The following PCDH15 variants were observed in gnomAD, a reference collection of about 807,000 sequenced individuals.
PCDH15 encodes protocadherin related 15.
A neutral mutation model predicts 178.5 loss-of-function variants in PCDH15; 129 were observed. The observed-to-expected ratio is 0.72, with a 90% CI of 0.63 to 0.84. The LOEUF is 0.84. Ranked by LOEUF, PCDH15 falls within the 40% of genes least tolerant of loss-of-function variation. The probability of loss-of-function intolerance (pLI) is 0.00; values close to 1 mark genes in which losing one functional copy is unlikely to be tolerated. For missense variants in PCDH15, 2,230 were observed against 2,099.9 expected (o/e 1.06, Z -1.21); for synonymous variants, 800 against 732.0 (o/e 1.09, Z -1.50).
At chr10:54,960,047 G>A (rs938762454) in intron 2 of PCDH15, among the ~76,000 whole-genome samples, 17 of 152,048 alleles carry the variant, frequency 1.1e-4, no homozygotes, top group Admixed American at 3.9e-4. Context: ...AATTTGAAGC[G>A]TCCAGTCTTA....
rs555638118 is a variant in PCDH15, at chr10:53,975,106, C to T, written c.2869-13214G>A. On this transcript the variant is annotated intron_variant, in intron 21 of 37. Transcript: ENST00000644397. ...GCTGCATCAATATTGCTGCAAAGGG[C>T]GTGCTTTCATTCTTTTTTATGTTTG... is the stretch of plus-strand genomic sequence containing the variant. Among the ~76,000 whole-genome samples, 45 of 152,204 alleles carry T rather than the reference C, an allele frequency of 3.0e-4. No homozygotes were observed. The South Asian group carries it at 4.1e-3, about 14-fold the overall frequency.
intron 1 of PCDH15, among the ~76,000 whole-genome samples, chr10:54,790,410 A>G (rs764359583): frequency 4.0e-5 from 6 of 151,764 alleles, no homozygotes; most frequent in Admixed American, 6.6e-5. Context: ...GAACACAACA[A>G]GAGTATTTAT....
intron 3 of PCDH15, among the ~76,000 whole-genome samples, chr10:54,411,125 C>G (rs1456161967): frequency 6.6e-6 from 1 of 152,116 alleles, no homozygotes; most frequent in Admixed American, 6.6e-5. Flanking sequence ...GCTACCATAA[C>G]AGGTATGATC....
At chr10:54,463,057 GATCA>G (rs1425808757) in intron 3 of PCDH15, among the ~76,000 whole-genome samples, 9 of 152,090 alleles carry the variant, frequency 5.9e-5, no homozygotes, top group African/African-American at 1.7e-4. Flanking sequence ...CTCGTTATAA[GATCA>G]ATCAGTCTGT....
intron 2 of PCDH15, among the ~76,000 whole-genome samples, chr10:55,442,459 A>ATATATATAT (rs1554869572): frequency 5.3e-4 from 38 of 71,444 alleles, no homozygotes; most frequent in Middle Eastern, 6.3e-3. Context: ...ATTTGATTAT[A>ATATATATAT]TATATATATA....
At chr10:54,370,463 G>C (rs772845489) in intron 4 of PCDH15, among the ~76,000 whole-genome samples, 5 of 151,842 alleles carry the variant, frequency 3.3e-5, no homozygotes, top group Non-Finnish European at 7.4e-5. Flanking sequence ...CAACCTGTGT[G>C]TTATTTTAGT....
chr10:54,355,267 A>G (rs1944803952), intron 5 of PCDH15, among the ~76,000 whole-genome samples: 1 of 151,980 alleles, frequency 6.6e-6, no homozygotes, highest in Non-Finnish European at 1.5e-5. Context: ...ATAGGCTTAG[A>G]AAGCTTCTGC....
chr10:54,686,715 T>A (rs906754279), intron 1 of PCDH15, among the ~76,000 whole-genome samples: 1 of 152,160 alleles, frequency 6.6e-6, no homozygotes, highest in Admixed American at 6.5e-5. Context: ...TATATATACA[T>A]AGATTTATTT....
intron 2 of PCDH15, among the ~76,000 whole-genome samples, chr10:55,387,460 G>A (rs1167567894): frequency 6.6e-6 from 1 of 152,006 alleles, no homozygotes; most frequent in African/African-American, 2.4e-5. Flanking sequence ...TAACATAAGC[G>A]AACACATTAA....
At chr10:54,422,096 G>T (rs1291256202) in intron 3 of PCDH15, among the ~76,000 whole-genome samples, 1 of 151,594 alleles carries the variant, frequency 6.6e-6, no homozygotes, top group Non-Finnish European at 1.5e-5. Context: ...GGAGCTCCCA[G>T]AATTATGAAT....
chr10:54,129,634 C>T (rs2042260104), intron 15 of PCDH15, among the ~76,000 whole-genome samples: 2 of 152,088 alleles, frequency 1.3e-5, no homozygotes, highest in Admixed American at 1.3e-4. Flanking sequence ...TAAGATGTGC[C>T]TGACCGCATA....
chr10:54,555,923 C>T (rs1196668979), intron 2 of PCDH15, among the ~76,000 whole-genome samples: 3 of 145,210 alleles, frequency 2.1e-5, no homozygotes, highest in Non-Finnish European at 4.6e-5. Flanking sequence ...ACATTTCTCA[C>T]TGACCCATTT....
At chr10:55,319,962 C>T (rs1357373221), upstream of PCDH15, among the ~76,000 whole-genome samples, 1 of 152,104 alleles carries the variant, frequency 6.6e-6, no homozygotes, top group Non-Finnish European at 1.5e-5. Context: ...GCCCATGAGA[C>T]AGGGTGAGTC....
chr10:55,158,549 A>G (rs1838960310), intron 2 of PCDH15, among the ~76,000 whole-genome samples: 1 of 152,040 alleles, frequency 6.6e-6, no homozygotes, highest in South Asian at 2.1e-4. Flanking sequence ...ATGAACCTCA[A>G]TGTTCAGACA....
At chr10:54,892,738 T>TC (rs1417662544) in intron 3 of PCDH15, among the ~76,000 whole-genome samples, 1 of 149,836 alleles carries the variant, frequency 6.7e-6, no homozygotes, top group East Asian at 1.9e-4. Context: ...TTTCTTTTTT[T>TC]TTTTTTTTTA....
At chr10:53,843,164 T>C (rs2077763737) in intron 28 of PCDH15, among the ~76,000 whole-genome samples, 1 of 152,134 alleles carries the variant, frequency 6.6e-6, no homozygotes. Context: ...ACTTTGAGCA[T>C]TTTTTTGTTA....
intron 3 of PCDH15, among the ~76,000 whole-genome samples, chr10:54,865,926 C>T (rs1953931894): frequency 1.3e-5 from 2 of 151,948 alleles, no homozygotes; most frequent in South Asian, 2.1e-4. Flanking sequence ...AGAATTTGGG[C>T]AGAACAATAA....
At chr10:54,682,788 C>T (rs1411188478) in intron 1 of PCDH15, among the ~76,000 whole-genome samples, 2 of 152,086 alleles carry the variant, frequency 1.3e-5, no homozygotes, top group Non-Finnish European at 1.5e-5. Context: ...GTCGTAAATT[C>T]CAAAGAATCT....
chr10:55,003,377 AGGT>A (rs1191084152), intron 2 of PCDH15, among the ~76,000 whole-genome samples: 1 of 152,132 alleles, frequency 6.6e-6, no homozygotes, highest in African/African-American at 2.4e-5. Flanking sequence ...ACCCAACATG[AGGT>A]AGATCAGGAG....
Sources: gnomAD v4.1 joint callset for allele counts (sites outside exome capture counted in the v4.1 genomes callset) on GRCh38, gnomAD v4.1.1 for gene constraint, MANE v1.5 for transcripts, NCBI Gene and HGNC (gene_info 2026-07-23, HGNC 2026-07-21) for gene names.